Variants in KCND2 observed in about 807,000 individuals in gnomAD.
KCND2 encodes the protein A-type voltage-gated potassium channel KCND2.
In KCND2, 16 loss-of-function variants were observed where a neutral mutation model predicts 54.4. The ratio of observed to expected loss-of-function variants is 0.29; its 90% CI spans 0.20 to 0.45. The LOEUF (loss-of-function observed/expected upper bound fraction) is 0.45, where lower values mean the gene tolerates loss of function less well. KCND2 is among the 20% of genes least tolerant of loss of function. The probability of loss-of-function intolerance (pLI) is 1.00; values close to 1 mark genes in which losing one functional copy is unlikely to be tolerated. For synonymous variants in KCND2, 317 were observed against 310.7 expected, an observed-to-expected ratio of 1.02 and a Z score of -0.21; for missense variants, 486 against 824.2, an observed-to-expected ratio of 0.59 and a Z score of 5.02.
At chr7:120,345,717 T>C (rs1800307146) in intron 1 of KCND2, among the ~76,000 whole-genome samples, 1 of 152,144 alleles carries the variant, frequency 6.6e-6, no homozygotes, top group East Asian at 1.9e-4. Flanking sequence ...TTGAATAGTA[T>C]TTTATACATT....
At chr7:120,579,121 T>C (rs1246546798) in intron 1 of KCND2, among the ~76,000 whole-genome samples, 5 of 152,146 alleles carry the variant, frequency 3.3e-5, no homozygotes, top group African/African-American at 1.2e-4. Flanking sequence ...GAAGAACATA[T>C]ATTTTAACCA....
At chr7:120,477,427 G>A (rs1355283189) in intron 1 of KCND2, among the ~76,000 whole-genome samples, 1 of 152,098 alleles carries the variant, frequency 6.6e-6, no homozygotes, top group Non-Finnish European at 1.5e-5. Flanking sequence ...TAGCTTTGCT[G>A]TAAACCTGAA....
intron 1 of KCND2, among the ~76,000 whole-genome samples, chr7:120,318,773 T>C (rs1403238778): frequency 6.6e-6 from 1 of 152,110 alleles, no homozygotes; most frequent in Admixed American, 6.6e-5. Flanking sequence ...GAAGTTCATA[T>C]TGAATACTAG....
chr7:120,425,742 T>C (rs1801697329), intron 1 of KCND2, among the ~76,000 whole-genome samples: 1 of 152,236 alleles, frequency 6.6e-6, no homozygotes, highest in African/African-American at 2.4e-5. Flanking sequence ...CATTACTCTC[T>C]TCATGAATGT....
In KCND2 at chr7:120,445,192, A is replaced by G. The variant is rs140693329; in HGVS notation, c.1115+169445A>G. On this transcript the variant is annotated intron_variant, in intron 1 of 5. Transcript: ENST00000331113. Reference sequence around the variant, plus strand: ...CAAATGACAGTCATATTCATAAAACATCTTAATAGAAATGTGAAATTTTAA... The same window carrying G: ...CAAATGACAGTCATATTCATAAAACGTCTTAATAGAAATGTGAAATTTTAA... Among the ~76,000 whole-genome samples the G allele has an allele frequency of 5.9e-3, 899 of 152,334 alleles. 6 individuals are homozygous for G. The highest frequency in any genetic ancestry group is 9.5e-3 in the Non-Finnish European group (644 of 68,012).
intron 1 of KCND2, among the ~76,000 whole-genome samples, chr7:120,582,790 G>A (rs1164834668): frequency 6.6e-6 from 1 of 152,012 alleles, no homozygotes; most frequent in East Asian, 1.9e-4. Context: ...TTATGGCCCA[G>A]CAGGTATTTT....
At chr7:120,310,829 A>AG (rs1799726103) in intron 1 of KCND2, among the ~76,000 whole-genome samples, 1 of 151,548 alleles carries the variant, frequency 6.6e-6, no homozygotes, top group Admixed American at 6.6e-5. Flanking sequence ...CCAGCCACTC[A>AG]GGAAGCTGAG....
At chr7:120,743,807 GGCTTTGCA>G (rs1792971414) in intron 4 of KCND2, among the ~76,000 whole-genome samples, 1 of 152,192 alleles carries the variant, frequency 6.6e-6, no homozygotes, top group Non-Finnish European at 1.5e-5. Context: ...GATAATGTTA[GGCTTTGCA>G]GCCATGTGGA....
intron 1 of KCND2, among the ~76,000 whole-genome samples, chr7:120,637,218 A>G (rs1291395014): frequency 6.6e-6 from 1 of 152,138 alleles, no homozygotes; most frequent in Non-Finnish European, 1.5e-5. Context: ...GAATCTAGGA[A>G]TATTTTTTCA....
chr7:120,488,264 T>G (rs1324107940), intron 1 of KCND2, among the ~76,000 whole-genome samples: 1 of 152,126 alleles, frequency 6.6e-6, no homozygotes, highest in Non-Finnish European at 1.5e-5. Flanking sequence ...AAGAAAACAG[T>G]AACAATGGCT....
intron 1 of KCND2, among the ~76,000 whole-genome samples, chr7:120,457,828 A>G (rs1429096279): frequency 1.3e-5 from 2 of 152,198 alleles, no homozygotes; most frequent in African/African-American, 2.4e-5. Flanking sequence ...TCTCTGTGGT[A>G]TCAATTTACT....
chr7:120,313,587 G>A (rs2116318141), intron 1 of KCND2, among the ~76,000 whole-genome samples: 1 of 152,028 alleles, frequency 6.6e-6, no homozygotes, highest in South Asian at 2.1e-4. Context: ...GGCAAGGATG[G>A]AATGACGCCT....
At chr7:120,604,933 C>T (rs946323543) in intron 1 of KCND2, among the ~76,000 whole-genome samples, 1 of 152,142 alleles carries the variant, frequency 6.6e-6, no homozygotes, top group Non-Finnish European at 1.5e-5. Context: ...CCTACTCTAT[C>T]CAATTGTAAT....
chr7:120,711,149 A>G (rs184768112), intron 1 of KCND2, among the ~76,000 whole-genome samples: 45 of 152,218 alleles, frequency 3.0e-4, no homozygotes, highest in African/African-American at 1.1e-3. Context: ...TACATAATAT[A>G]AACATGATTA....
At chr7:120,436,005 G>T (rs1443454200) in intron 1 of KCND2, among the ~76,000 whole-genome samples, 4 of 152,096 alleles carry the variant, frequency 2.6e-5, no homozygotes, top group Non-Finnish European at 4.4e-5. Context: ...TATGAGAGCC[G>T]AAATGCTGAA....
intron 1 of KCND2, among the ~76,000 whole-genome samples, chr7:120,623,081 G>T (rs936631102): frequency 6.6e-6 from 1 of 152,082 alleles, no homozygotes; most frequent in Non-Finnish European, 1.5e-5. Flanking sequence ...ATAGACATGG[G>T]TTTAAAACCT....
At chr7:120,550,650 C>T (rs1196482037) in intron 1 of KCND2, among the ~76,000 whole-genome samples, 3 of 152,158 alleles carry the variant, frequency 2.0e-5, no homozygotes, top group Non-Finnish European at 4.4e-5. Flanking sequence ...TGTTTGTATT[C>T]ACACATGCTC....
chr7:120,540,044 A>G (rs988866275), intron 1 of KCND2, among the ~76,000 whole-genome samples: 2 of 152,142 alleles, frequency 1.3e-5, no homozygotes, highest in African/African-American at 4.8e-5. Flanking sequence ...CAACAAAATT[A>G]GCCACCATGC....
intron 1 of KCND2, among the ~76,000 whole-genome samples, chr7:120,331,725 G>C (rs990559662): frequency 1.3e-5 from 2 of 151,944 alleles, no homozygotes; most frequent in South Asian, 4.1e-4. Flanking sequence ...TATATGAAAA[G>C]TTGTCATATT....
Sources: gnomAD v4.1 joint callset for allele counts (sites outside exome capture counted in the v4.1 genomes callset) on GRCh38, gnomAD v4.1.1 for gene constraint, MANE v1.5 for transcripts, NCBI Gene and HGNC (gene_info 2026-07-23, HGNC 2026-07-21) for gene names.